Variants in NFILZ observed in about 807,000 individuals in gnomAD.
The protein encoded by NFILZ is NFIL3 like protein.
Position 8,636,404 on chromosome 19 carries a change from C to T in NFILZ, c.-164+658C>T, listed in dbSNP as rs1429084849. On this transcript the variant is annotated intron_variant, in intron 3 of 5. Transcript: ENST00000691075. Reference sequence around the variant, plus strand: ...CGGAGGTTGCAGTGAGCCGAGATTGCGCCATTGCACTCCAGCCTGGGCAAC... The same window carrying T: ...CGGAGGTTGCAGTGAGCCGAGATTGTGCCATTGCACTCCAGCCTGGGCAAC... Among the ~76,000 whole-genome samples, 11 of 145,022 alleles carry T rather than the reference C, an allele frequency of 7.6e-5. No homozygotes were observed. The South Asian group carries it at 9.4e-4, about 12-fold the overall frequency.
At chr19:8,663,740 G>GTATGTGTGTGTA (rs1600151892) in intron 3 of NFILZ, among the ~76,000 whole-genome samples, 4 of 131,646 alleles carry the variant, frequency 3.0e-5, no homozygotes, top group South Asian at 6.2e-4. Flanking sequence ...GTGTGTGTGT[G>GTATGTGTGTGTA]TGTGTGTGTG....
rs188761263 is a variant in NFILZ at position 8,648,087 on chromosome 19, T to C, written c.-164+12341T>C. Among the ~76,000 whole-genome samples, 541 of 141,656 alleles carry C rather than the reference T, an allele frequency of 3.8e-3. 2 individuals carry two copies. The highest frequency in any genetic ancestry group is 3.4e-3 in the Admixed American group (43 of 12,700). The allele number at this position is 141,656 out of a possible 152,430, so 92.9% of individuals were successfully genotyped here. On this transcript the variant is annotated intron_variant, in intron 3 of 5. Coordinates refer to ENST00000691075, the MANE Select transcript of NFILZ (RefSeq NM_001378600.1). ...TACTTGGGAGGCTGAGGCAGGAGAA[T>C]GCTGTGAACCTGGGAGGTGGAGCTT...
At chr19:8,662,732 G>A (rs1555749266) in intron 3 of NFILZ, among the ~76,000 whole-genome samples, 1 of 151,650 alleles carries the variant, frequency 6.6e-6, no homozygotes, top group Non-Finnish European at 1.5e-5. Context: ...CGCCTCCTGG[G>A]TTCAAGCAGT....
At chr19:8,646,995 G>A (rs1259059818) in intron 3 of NFILZ, among the ~76,000 whole-genome samples, 1 of 152,090 alleles carries the variant, frequency 6.6e-6, no homozygotes, top group Non-Finnish European at 1.5e-5. Flanking sequence ...TACCTTGATC[G>A]CTCTGTGCCT....
chr19:8,671,820 C>G (rs1226524640), intron 3 of NFILZ, among the ~76,000 whole-genome samples: 1 of 152,196 alleles, frequency 6.6e-6, no homozygotes, highest in Non-Finnish European at 1.5e-5. Context: ...TTGGGACCCC[C>G]TCTGATGTCC....
intron 3 of NFILZ, among the ~76,000 whole-genome samples, chr19:8,656,977 G>A (rs1055689215): frequency 3.3e-5 from 5 of 152,098 alleles, no homozygotes; most frequent in African/African-American, 1.2e-4. Flanking sequence ...GGGGTTGTCT[G>A]TGGTTGGCGT....
Position 8,663,746 on chromosome 19 carries a change from G to GTGTGTATGTGTGTGTATGTGTGTGTGTA in NFILZ, c.-163-10800_-163-10799insATGTGTGTGTATGTGTGTGTGTATGTGT, listed in dbSNP as rs1555674960. ...TTTGTGTGTGTGTGTGTGTGTGTGT[G>GTGTGTATGTGTGTGTATGTGTGTGTGTA]TGTGTGTGTGTGTGTGTGTGTGTGT... On this transcript the variant is annotated intron_variant, in intron 3 of 5. Coordinates refer to ENST00000691075, the MANE Select transcript of NFILZ (RefSeq NM_001378600.1). 1.5e-3 allele frequency among the ~76,000 whole-genome samples: 76 copies of GTGTGTATGTGTGTGTATGTGTGTGTGTA among 51,992 alleles called. 3 individuals carry two copies. The highest frequency in any genetic ancestry group is 3.5e-3 in the African/African-American group (74 of 21,046). The allele number at this position is 51,992 out of a possible 152,430, so 34.1% of individuals were successfully genotyped here.
At chr19:8,658,296 C>A (rs1044105130) in intron 3 of NFILZ, among the ~76,000 whole-genome samples, 2 of 152,136 alleles carry the variant, frequency 1.3e-5, no homozygotes, top group East Asian at 3.9e-4. Context: ...ACTTCCCCTA[C>A]AGCTGGGGTT....
intron 3 of NFILZ, among the ~76,000 whole-genome samples, chr19:8,646,057 G>A (rs2042938000): frequency 6.6e-6 from 1 of 151,366 alleles, no homozygotes; most frequent in African/African-American, 2.4e-5. Context: ...TTTTGGGGGG[G>A]ATGGACTCTT....
At chr19:8,635,473 C>T (rs2042890486) in intron 2 of NFILZ, among the ~76,000 whole-genome samples, 177 bp from the exon 3 acceptor site, 1 of 152,080 alleles carries the variant, frequency 6.6e-6, no homozygotes, top group South Asian at 2.1e-4. Flanking sequence ...TGCCTTTTCC[C>T]AGGATATTAT....
At chr19:8,633,879 C>G (rs1433095983) in intron 2 of NFILZ, among the ~76,000 whole-genome samples, 1 of 27,498 alleles carries the variant, frequency 3.6e-5, no homozygotes. Context: ...ACTTTTCTCC[C>G]TTCCTTCCTT....
intron 3 of NFILZ, among the ~76,000 whole-genome samples, chr19:8,636,681 T>A (rs1320420319): frequency 2.0e-5 from 3 of 151,806 alleles, no homozygotes; most frequent in Non-Finnish European, 2.9e-5. Context: ...GGCCTTGAAC[T>A]CCCGACCTCA....
intron 3 of NFILZ, among the ~76,000 whole-genome samples, chr19:8,656,309 CGCACCTCCTCCCTGAAG>C (rs1169923008): frequency 1.1e-5 from 1 of 93,530 alleles, no homozygotes; most frequent in African/African-American, 3.1e-5. Flanking sequence ...CCTCCCGCAG[CGCACCTCCTCCCTGAAG>C]CCCCCTTCTT....
chr19:8,665,414 A>G (rs1600152873), intron 3 of NFILZ, among the ~76,000 whole-genome samples: 1 of 152,118 alleles, frequency 6.6e-6, no homozygotes, highest in Non-Finnish European at 1.5e-5. Context: ...CAGAAAAGGG[A>G]TAGAGAAAAG....
At chr19:8,672,507 G>C (rs910428261) in intron 3 of NFILZ, among the ~76,000 whole-genome samples, 1 of 150,146 alleles carries the variant, frequency 6.7e-6, no homozygotes, top group Non-Finnish European at 1.5e-5. Flanking sequence ...GCACTTATTT[G>C]TTCATTCAAA....
chr19:8,631,626 C>G (rs371619598), intron 1 of NFILZ, among the ~76,000 whole-genome samples: 1 of 152,174 alleles, frequency 6.6e-6, no homozygotes, highest in East Asian at 1.9e-4. Context: ...TGGCCCTGTT[C>G]TTCTGAAAGT....
intron 3 of NFILZ, among the ~76,000 whole-genome samples, chr19:8,659,260 T>G (rs28638180): frequency 6.6e-6 from 1 of 150,968 alleles, no homozygotes; most frequent in Non-Finnish European, 1.5e-5. Flanking sequence ...AAAAAAAAAA[T>G]TTTTTTTTAA....
chr19:8,648,782 G>A (rs1247083811), intron 3 of NFILZ, among the ~76,000 whole-genome samples: 3 of 151,628 alleles, frequency 2.0e-5, no homozygotes, highest in Non-Finnish European at 2.9e-5. Flanking sequence ...GAACCTGGGA[G>A]GTGGAGATTT....
intron 4 of NFILZ, among the ~76,000 whole-genome samples, 160 bp downstream of exon 4, chr19:8,674,760 C>A (rs577421778): frequency 3.3e-5 from 5 of 152,202 alleles, no homozygotes; most frequent in African/African-American, 9.6e-5. Context: ...TTCCTTTATC[C>A]TCTGTCAAAC....
Sources: allele counts gnomAD v4.1 joint callset (sites outside exome capture counted in the v4.1 genomes callset), GRCh38; gene constraint gnomAD v4.1.1; transcripts MANE v1.5; gene names NCBI Gene and HGNC (gene_info 2026-07-23, HGNC 2026-07-21).